The following GRM7 variants were observed in gnomAD, a reference collection of about 807,000 sequenced individuals.
The protein encoded by GRM7 is glutamate metabotropic receptor 7.
Under a neutral mutation model 84.5 loss-of-function variants are expected in GRM7, and 35 were observed. The observed-to-expected ratio is 0.41, with a 90% CI of 0.32 to 0.55. GRM7 has a LOEUF of 0.55. Among genes scored for constraint, GRM7 ranks in the 20% least tolerant of loss-of-function variants. GRM7 has a pLI of 0.19. For missense variants in GRM7, 1,003 were observed against 1,194.6 expected, an observed-to-expected ratio of 0.84 and a Z score of 2.36; for synonymous variants, 487 against 455.1, an observed-to-expected ratio of 1.07 and a Z score of -0.89.
intron 1 of GRM7, among the ~76,000 whole-genome samples, chr3:6,902,869 A>ACACACT (rs1696439913): frequency 6.6e-6 from 1 of 151,706 alleles, no homozygotes; most frequent in Non-Finnish European, 1.5e-5. Flanking sequence ...ACACACACAC[A>ACACACT]CACACACACA....
chr3:7,236,995 A>C (rs1466107310), intron 2 of GRM7, among the ~76,000 whole-genome samples: 1 of 152,192 alleles, frequency 6.6e-6, no homozygotes, highest in Non-Finnish European at 1.5e-5. Flanking sequence ...AAAGGAAATA[A>C]ATTATTAATA....
At chr3:7,507,151 TTGACTC>T (rs1700063853) in intron 7 of GRM7, among the ~76,000 whole-genome samples, 1 of 152,146 alleles carries the variant, frequency 6.6e-6, no homozygotes. Flanking sequence ...ACAGCAGAAA[TTGACTC>T]TGGTTAATTT....
At chr3:7,018,112 T>A (rs1158266298) in intron 1 of GRM7, among the ~76,000 whole-genome samples, 4 of 152,182 alleles carry the variant, frequency 2.6e-5, no homozygotes, top group Non-Finnish European at 5.9e-5. Flanking sequence ...ACAGGTGAAA[T>A]TTTAATTTTA....
intron 1 of GRM7, among the ~76,000 whole-genome samples, chr3:7,066,748 A>G (rs73112859): frequency 0.12 from 18,974 of 151,828 alleles, 1,708 homozygotes; most frequent in African/African-American, 0.26. Flanking sequence ...TGATATCCTC[A>G]GTGAGCACAG....
At chr3:7,132,085 C>T (rs1025205352) in intron 1 of GRM7, among the ~76,000 whole-genome samples, 1 of 152,220 alleles carries the variant, frequency 6.6e-6, no homozygotes, top group African/African-American at 2.4e-5. Flanking sequence ...TTAGCTTAAA[C>T]AACACCTCTT....
intron 1 of GRM7, among the ~76,000 whole-genome samples, chr3:6,943,462 T>C (rs1697957818): frequency 6.6e-6 from 1 of 152,062 alleles, no homozygotes; most frequent in African/African-American, 2.4e-5. Context: ...TGAATTGCCT[T>C]TGTTACAAAT....
intron 1 of GRM7, among the ~76,000 whole-genome samples, chr3:6,897,618 G>T (rs137908420): frequency 6.6e-6 from 1 of 152,276 alleles, no homozygotes; most frequent in African/African-American, 2.4e-5. Flanking sequence ...TTCAATAAAT[G>T]CTAGCTGTTA....
At chr3:7,563,306 G>A (rs568626975) in intron 7 of GRM7, among the ~76,000 whole-genome samples, 1 of 152,114 alleles carries the variant, frequency 6.6e-6, no homozygotes, top group Non-Finnish European at 1.5e-5. Context: ...GCATAAAAGA[G>A]GACATTTTTT....
chr3:7,196,749 T>A (rs1047363603), intron 2 of GRM7, among the ~76,000 whole-genome samples: 1 of 152,168 alleles, frequency 6.6e-6, no homozygotes, highest in Non-Finnish European at 1.5e-5. Context: ...CAAAATTATA[T>A]GGCTTGGCAT....
chr3:7,422,972 A>C (rs558431496), intron 5 of GRM7, among the ~76,000 whole-genome samples: 5 of 152,320 alleles, frequency 3.3e-5, no homozygotes, highest in Admixed American at 2.6e-4. Flanking sequence ...TTTTACTCAC[A>C]AACCTCATTT....
At chr3:7,517,986 C>T (rs1488934988) in intron 7 of GRM7, among the ~76,000 whole-genome samples, 1 of 152,148 alleles carries the variant, frequency 6.6e-6, no homozygotes, top group East Asian at 1.9e-4. Context: ...TGATGTTTCA[C>T]TCATTTTGTC....
In GRM7 at chr3:7,549,561, A is replaced by G. The variant is rs573517421; in HGVS notation, c.1516-28861A>G. The stretch of plus-strand genomic sequence containing the variant: ...TTAACTATTATCAGGAAAGACATCA[A>G]TAGGTTACGACTTGGAAGATTTTCC... On this transcript the variant is annotated intron_variant, in intron 7 of 9. Transcript: ENST00000357716. Among the ~76,000 whole-genome samples the G allele has an allele frequency of 3.2e-4, 48 of 152,324 alleles. 2 individuals are homozygous for G. The highest frequency in any genetic ancestry group is 4.1e-4 in the South Asian group (2 of 4,824).
At chr3:7,485,749 A>C (rs1398546566) in intron 7 of GRM7, among the ~76,000 whole-genome samples, 1 of 152,194 alleles carries the variant, frequency 6.6e-6, no homozygotes, top group African/African-American at 2.4e-5. Flanking sequence ...GCTTTTACAG[A>C]AACCATAGAA....
chr3:7,225,755 G>T (rs2124886616), intron 2 of GRM7, among the ~76,000 whole-genome samples: 1 of 151,890 alleles, frequency 6.6e-6, no homozygotes, highest in South Asian at 2.1e-4. Context: ...CGTATATTTT[G>T]TCTCTCAATT....
chr3:6,963,599 G>A (rs1239451333), intron 1 of GRM7, among the ~76,000 whole-genome samples: 1 of 152,080 alleles, frequency 6.6e-6, no homozygotes, highest in East Asian at 1.9e-4. Flanking sequence ...CAGAGCCAGA[G>A]CTTGCCTCTA....
chr3:6,962,855 C>G (rs1317758452), intron 1 of GRM7, among the ~76,000 whole-genome samples: 1 of 152,092 alleles, frequency 6.6e-6, no homozygotes, highest in Non-Finnish European at 1.5e-5. Flanking sequence ...ATAATTTTTT[C>G]TTAAAAAAGA....
At chr3:7,434,661 A>G (rs1229888391) in intron 5 of GRM7, among the ~76,000 whole-genome samples, 2 of 152,134 alleles carry the variant, frequency 1.3e-5, no homozygotes, top group East Asian at 1.9e-4. Context: ...TGATGTATCT[A>G]TTTTTTATAT....
chr3:7,126,827 T>G (rs754463228), intron 1 of GRM7, among the ~76,000 whole-genome samples: 1 of 152,314 alleles, frequency 6.6e-6, no homozygotes, highest in African/African-American at 2.4e-5. Context: ...TCTATCTCCC[T>G]GGCTCACTGC....
intron 1 of GRM7, among the ~76,000 whole-genome samples, chr3:6,973,367 A>G (rs1297954989): frequency 1.3e-5 from 2 of 152,206 alleles, no homozygotes; most frequent in East Asian, 3.9e-4. Context: ...TTAGTGAAAT[A>G]ATTGGCATCC....
Sources: allele counts gnomAD v4.1 joint callset (sites outside exome capture counted in the v4.1 genomes callset), GRCh38; gene constraint gnomAD v4.1.1; transcripts MANE v1.5; gene names NCBI Gene and HGNC (gene_info 2026-07-23, HGNC 2026-07-21).